Variants in ROBO1 observed in about 807,000 individuals in gnomAD.
The protein encoded by ROBO1 is roundabout guidance receptor 1, also known as roundabout homolog 1.
A neutral mutation model predicts 195.9 loss-of-function variants in ROBO1; 149 were observed. That is an observed-to-expected ratio of 0.76 (90% CI 0.67 to 0.87). ROBO1 has a LOEUF of 0.87. Ranked by LOEUF, ROBO1 falls within the 40% of genes least tolerant of loss-of-function variation. ROBO1 has a pLI of 0.00. For synonymous variants in ROBO1, 816 were observed against 733.2 expected (o/e 1.11, Z -1.82); for missense variants, 1,933 against 2,068.3 (o/e 0.93, Z 1.27).
intron 1 of ROBO1, among the ~76,000 whole-genome samples, chr3:79,753,353 G>T (rs1203098709): frequency 6.6e-6 from 1 of 152,000 alleles, no homozygotes; most frequent in African/African-American, 2.4e-5. Flanking sequence ...CTCTGTCAGG[G>T]TGATCTATTT....
intron 4 of ROBO1, among the ~76,000 whole-genome samples, chr3:78,892,895 A>G (rs2036989999): frequency 6.6e-6 from 1 of 152,116 alleles, no homozygotes; most frequent in Admixed American, 6.6e-5. Flanking sequence ...AATATCGCCC[A>G]TTTCCTTAAA....
At chr3:79,269,431 A>G (rs2030316689) in intron 2 of ROBO1, among the ~76,000 whole-genome samples, 1 of 151,708 alleles carries the variant, frequency 6.6e-6, no homozygotes, top group African/African-American at 2.4e-5. Flanking sequence ...ACATGGTCAC[A>G]CAAAATAACT....
At chr3:79,716,937 A>C (rs1560127044) in intron 1 of ROBO1, among the ~76,000 whole-genome samples, 1 of 152,014 alleles carries the variant, frequency 6.6e-6, no homozygotes, top group Non-Finnish European at 1.5e-5. Context: ...TGGAATATAC[A>C]ACTCAGAATT....
chr3:78,888,646 T>C (rs922832232), intron 4 of ROBO1, among the ~76,000 whole-genome samples: 1 of 152,168 alleles, frequency 6.6e-6, no homozygotes, highest in Non-Finnish European at 1.5e-5. Context: ...CAGTAGTTCT[T>C]TACATTTCAT....
intron 8 of ROBO1, among the ~76,000 whole-genome samples, chr3:78,691,295 T>C (rs1197126156): frequency 6.6e-6 from 1 of 152,118 alleles, no homozygotes; most frequent in Non-Finnish European, 1.5e-5. Context: ...AAAGCTACAA[T>C]TTTTAATTTA....
At chr3:79,286,928 C>T (rs943572407) in intron 2 of ROBO1, among the ~76,000 whole-genome samples, 5 of 152,076 alleles carry the variant, frequency 3.3e-5, no homozygotes, top group Non-Finnish European at 5.9e-5. Flanking sequence ...TGATACGTAA[C>T]ATTCAGTCAC....
At chr3:79,496,212 CAAAAAAAAA>C (rs751339145) in intron 2 of ROBO1, among the ~76,000 whole-genome samples, 2 of 56,270 alleles carry the variant, frequency 3.6e-5, no homozygotes, top group Non-Finnish European at 7.1e-5. Context: ...GACTCTGTCT[CAAAAAAAAA>C]AAAAAAAAAA....
At chr3:79,410,321 T>G (rs1377398589) in intron 2 of ROBO1, among the ~76,000 whole-genome samples, 1 of 152,130 alleles carries the variant, frequency 6.6e-6, no homozygotes, top group Non-Finnish European at 1.5e-5. Context: ...TCAAGCACAA[T>G]GTGTGGGATA....
At chr3:79,283,049 T>C (rs2031629641) in intron 2 of ROBO1, among the ~76,000 whole-genome samples, 3 of 152,238 alleles carry the variant, frequency 2.0e-5, no homozygotes, top group Non-Finnish European at 4.4e-5. Flanking sequence ...CATGTGCTTA[T>C]TTGTATCTAT....
At chr3:79,669,450 T>C (rs1453218175) in intron 1 of ROBO1, among the ~76,000 whole-genome samples, 2 of 151,894 alleles carry the variant, frequency 1.3e-5, no homozygotes, top group Non-Finnish European at 2.9e-5. Flanking sequence ...ACACATTATG[T>C]TTCTTATGTT....
chr3:79,575,469 C>T (rs1461411269), intron 2 of ROBO1, among the ~76,000 whole-genome samples: 3 of 110,802 alleles, frequency 2.7e-5, no homozygotes, highest in East Asian at 2.6e-4. Flanking sequence ...ATAACAAATA[C>T]ATATATAAAT....
chr3:79,466,031 TA>T (rs142572388), intron 2 of ROBO1, among the ~76,000 whole-genome samples: 34 of 145,348 alleles, frequency 2.3e-4, no homozygotes, highest in East Asian at 6.0e-4. Flanking sequence ...CAATCTCCTT[TA>T]AAAAAAAAAA....
At chr3:78,711,431 CTTTCT>C (rs1559773965) in intron 8 of ROBO1, among the ~76,000 whole-genome samples, 12 of 114,192 alleles carry the variant, frequency 1.1e-4, no homozygotes, top group African/African-American at 3.9e-4. Context: ...TTCTTTCTTT[CTTTCT>C]TTCTTTCCTT....
rs369968289 is a variant in ROBO1, at chr3:79,631,938, C to G, written c.-50-41977G>C. On this transcript the variant is annotated intron_variant, in intron 1 of 30. Transcript: ENST00000464233. ...AACCACAGTGAGATGCCATCTCACA[C>G]TAGTCACAATGGCTTTTATTAAAAT... 1.1e-4 allele frequency among the ~76,000 whole-genome samples: 16 copies of G among 152,180 alleles called. No homozygotes were observed. In the South Asian group the frequency reaches 2.9e-3, roughly 28 times the overall value.
intron 1 of ROBO1, among the ~76,000 whole-genome samples, chr3:79,725,879 A>G (rs1376859871): frequency 6.6e-6 from 1 of 151,974 alleles, no homozygotes; most frequent in East Asian, 2.0e-4. Flanking sequence ...GTCATTAAAT[A>G]TAATAAAGCT....
chr3:79,475,069 A>C (rs2107341787), intron 2 of ROBO1, among the ~76,000 whole-genome samples: 1 of 152,126 alleles, frequency 6.6e-6, no homozygotes, highest in Non-Finnish European at 1.5e-5. Flanking sequence ...TATACAACAG[A>C]ATTCTTTTCA....
chr3:79,570,178 A>T (rs1365050278), intron 2 of ROBO1, among the ~76,000 whole-genome samples: 1 of 152,108 alleles, frequency 6.6e-6, no homozygotes, highest in Non-Finnish European at 1.5e-5. Flanking sequence ...GTATTTAAAT[A>T]GGTGAACAAT....
chr3:78,942,281 A>G (rs763200394), intron 3 of ROBO1, among the ~76,000 whole-genome samples: 1 of 152,130 alleles, frequency 6.6e-6, no homozygotes, highest in Non-Finnish European at 1.5e-5. Context: ...GCACAGGGAC[A>G]GAGGGAGACA....
chr3:78,799,184 T>C (rs540330298), intron 4 of ROBO1, among the ~76,000 whole-genome samples: 3 of 152,228 alleles, frequency 2.0e-5, no homozygotes, highest in African/African-American at 4.8e-5. Context: ...ATGGAATCCA[T>C]TCTTTGGTGG....
Sources: gnomAD v4.1 joint callset for allele counts (sites outside exome capture counted in the v4.1 genomes callset) on GRCh38, gnomAD v4.1.1 for gene constraint, MANE v1.5 for transcripts, NCBI Gene and HGNC (gene_info 2026-07-23, HGNC 2026-07-21) for gene names.